Variants in GALNT15 observed in about 807,000 individuals in gnomAD.
The protein encoded by GALNT15 is UDP-GalNAc transferase T15.
GALNT15 carries 67 observed loss-of-function variants against 66.8 expected under a neutral mutation model. The observed-to-expected ratio is 1.00, with a 90% CI of 0.82 to 1.23. The LOEUF is 1.23. GALNT15 is among the 50% of genes most tolerant of loss of function. GALNT15 has a pLI of 0.00. For synonymous variants in GALNT15, 313 were observed against 311.5 expected (o/e 1.00, Z -0.05); for missense variants, 827 against 804.3 (o/e 1.03, Z -0.34).
At chr3:16,242,967 A>G in the GALNT15 span, among the ~76,000 whole-genome samples, 1 of 152,102 alleles carries the variant, frequency 6.6e-6, no homozygotes, top group Non-Finnish European at 1.5e-5. The surrounding 1 kb of genome is among the most constrained non-coding windows in gnomAD (Gnocchi z 5.6). Flanking sequence ...TAGGCAGGGA[A>G]GAAAAGTCAA....
rs1157257611 is a variant in GALNT15, at chr3:16,227,646, A to G, written c.*146A>G. 5.4e-6 allele frequency: 8 copies of G among 1,480,636 alleles called. No individual in the cohort carries two copies. In the African/African-American group the frequency reaches 5.7e-5, roughly 11 times the overall value. The allele number at this position is 1,480,636 out of a possible 1,614,324, so 91.7% of individuals were successfully genotyped here. A position where few individuals can be genotyped will look rare whatever the true frequency, so the allele number is the denominator to read the frequency against. On this transcript the variant is annotated 3_prime_UTR_variant, in exon 10 of 10. Transcript: ENST00000339732. The surrounding 1 kb of genome is among the most constrained non-coding windows in gnomAD (Gnocchi z 4.5). The stretch of plus-strand genomic sequence containing the variant: ...AGAAAAAAGCTCTATGAAAGAATAT[A>G]GGAAGTTTCTCCTTTTCACACCTTA...
chr3:16,221,519 C>T (rs559848793), intron 8 of GALNT15, among the ~76,000 whole-genome samples: 4 of 152,236 alleles, frequency 2.6e-5, no homozygotes, highest in Non-Finnish European at 4.4e-5. Context: ...CTATGAGCCC[C>T]GGGAATCTAC....
chr3:16,244,865 G>A, the GALNT15 span, among the ~76,000 whole-genome samples: 3 of 152,160 alleles, frequency 2.0e-5, no homozygotes, highest in African/African-American at 4.8e-5. Context: ...AAGGTATGGC[G>A]GAGAAACCTC....
chr3:16,197,784 G>C (rs963165242), intron 2 of GALNT15, among the ~76,000 whole-genome samples: 1 of 152,200 alleles, frequency 6.6e-6, no homozygotes. Flanking sequence ...TATTACTGCT[G>C]TTTTCTGGAG....
chr3:16,195,850 T>G lies in GALNT15; in HGVS notation c.630T>G (p.Thr210=), dbSNP rs1482642142. 3 of 1,614,134 alleles carry G rather than the reference T, an allele frequency of 1.9e-6. No homozygotes were observed. The East Asian group carries it at 6.7e-5, about 36-fold the overall frequency. ...HDEAWSTLLR[T]VHSILDTVPR... is the part of the protein sequence containing the mutation. ...AGGCCTGGTCCACTCTCCTGCGGACTGTACACAGCATCCTCGACACAGTGC... is the reference window on the plus strand; with the variant it reads ...AGGCCTGGTCCACTCTCCTGCGGACGGTACACAGCATCCTCGACACAGTGC... The change falls in exon 2 of 10, where the codon ACT becomes ACG. Residue 210 remains threonine (T), a synonymous_variant. Transcript: ENST00000339732. The surrounding 1 kb of genome is among the most constrained non-coding windows in gnomAD (Gnocchi z 4.6).
In GALNT15 at chr3:16,225,520, C is replaced by G. The variant is rs533450409; in HGVS notation, c.1774-1834C>G. Among the ~76,000 whole-genome samples, 22 of 149,152 alleles carry G rather than the reference C, an allele frequency of 1.5e-4. No individual in the cohort carries two copies. The highest frequency in any genetic ancestry group is 5.0e-4 in the African/African-American group (20 of 40,374). On this transcript the variant is annotated intron_variant, in intron 9 of 9. Coordinates refer to ENST00000339732, the MANE Select transcript of GALNT15 (RefSeq NM_054110.5). This position sits in a 1 kb window ranked among gnomAD's most constrained non-coding sequence, Gnocchi z 4.4. ...GACCAGCCTGGCCAATATGGTGAAA[C>G]CCCGTTTCTACTAAAAACACAAAAA...
chr3:16,191,349 T>C lies in GALNT15; in HGVS notation c.540-4411T>C, dbSNP rs2063575684. On this transcript the variant is annotated intron_variant, in intron 1 of 9. Transcript: ENST00000339732. This position sits in a 1 kb window ranked among gnomAD's most constrained non-coding sequence, Gnocchi z 5.2. ...CTTGTAGTAATGGGACATCTGTTAA[T>C]AATGGCAGCAAACGCATGGTGCTCA... The C allele has an allele frequency of 1.0e-6, 1 of 984,664 alleles. No individual in the cohort carries two copies. Among genetic ancestry groups the C allele is most frequent in the East Asian group, 1.1e-4 (1 of 8,830 alleles). 61.0% of individuals were successfully genotyped at this position (984,664 alleles called of 1,614,324 possible).
At chr3:16,206,728 G>C (rs2063762230) in intron 3 of GALNT15, among the ~76,000 whole-genome samples, 1 of 150,886 alleles carries the variant, frequency 6.6e-6, no homozygotes, top group Non-Finnish European at 1.5e-5. Context: ...AGAGGTCTAG[G>C]ATGAATTGAT....
At chr3:16,214,946 C>A (rs1465701145) in intron 6 of GALNT15, among the ~76,000 whole-genome samples, 1 of 152,184 alleles carries the variant, frequency 6.6e-6, no homozygotes, top group Non-Finnish European at 1.5e-5. Context: ...TTTGGCCAAA[C>A]CATCTATTTT....
At chr3:16,231,914 G>A (rs1480826430), downstream of GALNT15, 4 of 1,535,090 alleles carry the variant, frequency 2.6e-6, no homozygotes, top group South Asian at 1.2e-5. The surrounding 1 kb of genome is among the most constrained non-coding windows in gnomAD (Gnocchi z 4.1). Context: ...AGAAGGCACT[G>A]CCGATCACTC....
chr3:16,181,034 C>T lies in GALNT15; in HGVS notation c.539+5344C>T, dbSNP rs1020231514. Among the ~76,000 whole-genome samples the T allele has an allele frequency of 6.6e-6, 1 of 152,120 alleles. No homozygotes were observed. The highest frequency in any genetic ancestry group is 1.5e-5 in the Non-Finnish European group (1 of 68,036). The stretch of plus-strand genomic sequence containing the variant: ...TGAGACACAACGTGTGATGATTTTC[C>T]TTGTGTATTAAGTCCAAACAGAAGT... On this transcript the variant is annotated intron_variant, in intron 1 of 9. Transcript: ENST00000339732. The surrounding 1 kb of genome is among the most constrained non-coding windows in gnomAD (Gnocchi z 5.9).
intron 2 of GALNT15, 121 bp downstream of exon 2, chr3:16,196,047 C>A: frequency 1.0e-6 from 1 of 970,462 alleles, no homozygotes; most frequent in Non-Finnish European, 1.5e-6. Context: ...TACAGACCTC[C>A]AGATGAGGAT....
At position 16,227,290 on chromosome 3, in the gene GALNT15, A is replaced by G. The variant is rs1575001977; in HGVS notation, c.1774-64A>G. 1 of 1,528,558 alleles carries G rather than the reference A, an allele frequency of 6.5e-7. No individual in the cohort carries two copies. The highest frequency in any genetic ancestry group is 8.9e-7 in the Non-Finnish European group (1 of 1,129,094). The allele number at this position is 1,528,558 out of a possible 1,614,324, so 94.7% of individuals were successfully genotyped here. On this transcript the variant is annotated intron_variant, in intron 9 of 9. Coordinates refer to ENST00000339732, the MANE Select transcript of GALNT15 (RefSeq NM_054110.5). This position sits in a 1 kb window ranked among gnomAD's most constrained non-coding sequence, Gnocchi z 4.5. ...AATGATTAGCACAAATCTTAAAAAT[A>G]TTTTCTTTTGCTGACTGATTGTGGG...
At chr3:16,198,141 C>T (rs56802829) in intron 2 of GALNT15, among the ~76,000 whole-genome samples, 67,452 of 140,478 alleles carry the variant, frequency 0.48, 22,058 homozygotes, top group East Asian at 0.74. Context: ...ATAGAAAGCT[C>T]ACAGGGTGGC....
chr3:16,215,906 C>CAAA (rs10611187), intron 6 of GALNT15, among the ~76,000 whole-genome samples: 4 of 102,604 alleles, frequency 3.9e-5, no homozygotes, highest in Non-Finnish European at 6.0e-5. Flanking sequence ...GAGACTCCGC[C>CAAA]AAAAAAAAAA....
In GALNT15 at chr3:16,184,450, G is replaced by A. The variant is rs2063499280; in HGVS notation, c.539+8760G>A. 6.6e-6 allele frequency among the ~76,000 whole-genome samples: 1 copy of A among 152,132 alleles called. No individual in the cohort carries two copies. Among genetic ancestry groups the A allele is most frequent in the African/African-American group, 2.4e-5 (1 of 41,428 alleles). Reference sequence around the variant, plus strand: ...AGCCCTTTCCCACCTCTGGGCCTTAGCAGAGGCTGTGACACCTGCCAGGCA... The same window carrying A: ...AGCCCTTTCCCACCTCTGGGCCTTAACAGAGGCTGTGACACCTGCCAGGCA... On this transcript the variant is annotated intron_variant, in intron 1 of 9. Coordinates refer to ENST00000339732, the MANE Select transcript of GALNT15 (RefSeq NM_054110.5). The surrounding 1 kb of genome is among the most constrained non-coding windows in gnomAD (Gnocchi z 5.0).
intron 3 of GALNT15, among the ~76,000 whole-genome samples, chr3:16,207,637 A>C (rs938615398): frequency 6.6e-6 from 1 of 151,370 alleles, no homozygotes; most frequent in Non-Finnish European, 1.5e-5. Flanking sequence ...TCATATATGC[A>C]TGCATTGACA....
chr3:16,194,491 G>A (rs1300725477), intron 1 of GALNT15, among the ~76,000 whole-genome samples: 1 of 152,146 alleles, frequency 6.6e-6, no homozygotes, highest in East Asian at 1.9e-4. Context: ...TAGGTTGTCT[G>A]TTCACTCTGA....
In GALNT15 at chr3:16,211,249, C is replaced by T. The variant is rs1239465191; in HGVS notation, c.1197+8C>T. On this transcript the variant is annotated splice_region_variant and intron_variant, in intron 5 of 9. Coordinates refer to ENST00000339732, the MANE Select transcript of GALNT15 (RefSeq NM_054110.5). The surrounding 1 kb of genome is among the most constrained non-coding windows in gnomAD (Gnocchi z 4.3). ...CTCGAACTGTCTTTCAAGGTATGTC[C>T]TGGACCAAGGGAGGACAGAGGTGGG... 33 of 1,571,338 alleles carry T rather than the reference C, an allele frequency of 2.1e-5. No individual in the cohort carries two copies. Among genetic ancestry groups the T allele is most frequent in the Non-Finnish European group, 2.9e-5 (33 of 1,140,942 alleles).
Sources: gnomAD v4.1 joint callset for allele counts (sites outside exome capture counted in the v4.1 genomes callset) on GRCh38, gnomAD v4.1.1 for gene constraint, Gnocchi (gnomAD v3.1) non-coding constraint, MANE v1.5 for transcripts, NCBI Gene and HGNC (gene_info 2026-07-23, HGNC 2026-07-21) for gene names.